The following MCMBP variants were observed in gnomAD, a reference collection of about 807,000 sequenced individuals.
The protein encoded by MCMBP is mini-chromosome maintenance complex-binding protein.
In MCMBP, 31 loss-of-function variants were observed where a neutral mutation model predicts 81.3. The observed-to-expected ratio is 0.38, with a 90% CI of 0.29 to 0.51. The LOEUF (loss-of-function observed/expected upper bound fraction) is 0.51. MCMBP is among the 20% of genes least tolerant of loss of function. The pLI, the probability that MCMBP is intolerant of heterozygous loss-of-function variation, is 0.87. For missense variants in MCMBP, 645 were observed against 772.1 expected (o/e 0.84, Z 1.95); for synonymous variants, 267 against 275.9 (o/e 0.97, Z 0.32).
In MCMBP at chr10:119,859,142, G is replaced by A; in HGVS notation, c.184C>T (p.Pro62Ser). The A allele has an allele frequency of 6.2e-7, 1 of 1,613,754 alleles. No individual in the cohort carries two copies. Among genetic ancestry groups the A allele is most frequent in the Non-Finnish European group, 8.5e-7 (1 of 1,179,870 alleles). ...CAACGAAATTTCACAAAACTATTAGGTTTCAAATAATGAAGGGGAACTTCG... is the reference window on the plus strand; with the variant it reads ...CAACGAAATTTCACAAAACTATTAGATTTCAAATAATGAAGGGGAACTTCG... ...LNEVPLHYLKPNSFVKFRCMI... is the reference protein window; with the variant it reads ...LNEVPLHYLKSNSFVKFRCMI... Residue 62 changes from proline to serine, a missense_variant, in exon 3 of 16, where the codon CCT becomes TCT. Coordinates refer to ENST00000369077, the MANE Select transcript of MCMBP (RefSeq NM_001256378.2).
At chr10:119,843,087 A>T in intron 9 of MCMBP, 167 bp downstream of exon 9, 2 of 733,814 alleles carry the variant, frequency 2.7e-6, no homozygotes, top group Non-Finnish European at 4.6e-6. Flanking sequence ...CAGTGAAGAG[A>T]ATTAATGTAA....
At chr10:119,868,432 A>T (rs968829169) in intron 1 of MCMBP, among the ~76,000 whole-genome samples, 2 of 152,230 alleles carry the variant, frequency 1.3e-5, no homozygotes, top group Non-Finnish European at 2.9e-5. Context: ...ACTCCAGAAA[A>T]AAAGAAAAGA....
chr10:119,861,233 A>C (rs1399153777), intron 1 of MCMBP, among the ~76,000 whole-genome samples: 2 of 152,244 alleles, frequency 1.3e-5, no homozygotes, highest in Non-Finnish European at 2.9e-5. Flanking sequence ...ACGTTTACTT[A>C]ACTGGACAAG....
At position 119,831,347 on chromosome 10, in the gene MCMBP, TG is replaced by T. The variant is rs1203729606; in HGVS notation, c.*126del. ...TATAAACATCAGGTGTTACCAGGCT[TG>T]ATTTCAGGAAATGTCACTGGTTTGT... On this transcript the variant is annotated 3_prime_UTR_variant, in exon 16 of 16. Coordinates refer to ENST00000369077, the MANE Select transcript of MCMBP (RefSeq NM_001256378.2). 1.7e-6 allele frequency: 2 copies of T among 1,165,940 alleles called. No individual in the cohort carries two copies. The highest frequency in any genetic ancestry group is 4.9e-5 in the East Asian group (2 of 40,892). The allele number at this position is 1,165,940 out of a possible 1,614,324, so 72.2% of individuals were successfully genotyped here.
Position 119,832,022 on chromosome 10 carries a change from C to A in MCMBP, c.1786G>T (p.Val596Leu). Reference sequence around the variant, plus strand: ...ACGTGCGCCACTTACCGAGCCACCACGAGCAGCTGGTGAAGATCATCAGCA... The same window carrying A: ...ACGTGCGCCACTTACCGAGCCACCAAGAGCAGCTGGTGAAGATCATCAGCA... ...ITADDLHQLL[V>L]VARCLSLSAG... The change falls in exon 15 of 16, where the codon GTG becomes TTG. Residue 596 changes from valine (V) to leucine (L), a missense_variant. By Grantham distance (32) the Val-to-Leu change is conservative. Transcript: ENST00000369077. 3 of 1,611,338 alleles carry A rather than the reference C, an allele frequency of 1.9e-6. No homozygotes were observed. Among genetic ancestry groups the A allele is most frequent in the Admixed American group, 1.7e-5 (1 of 59,196 alleles).
chr10:119,872,890 A>AGCTCGCGTGGGGAGGG (rs1318392872), upstream of MCMBP: 2 of 152,622 alleles, frequency 1.3e-5, no homozygotes, highest in African/African-American at 4.9e-5. Flanking sequence ...ACCTGGGTGG[A>AGCTCGCGTGGGGAGGG]GCTCGCGTGG....
chr10:119,859,877 A>C lies in MCMBP; in HGVS notation c.66T>G (p.Asn22Lys). The stretch of plus-strand genomic sequence containing the variant: ...TCTTCTCCCAGTCAGGATTAACTCC[A>C]TTTTGGGCTGAAAGAGAAATATACT... The part of the protein sequence containing the change: ...LGIVQGFFAQ[N>K]GVNPDWEKKV... Residue 22 changes from asparagine to lysine, a missense_variant, in exon 2 of 16, where the codon AAT (asparagine) becomes AAG (lysine). Asn to Lys is a moderately conservative substitution (Grantham distance 94). Coordinates refer to ENST00000369077, the MANE Select transcript of MCMBP (RefSeq NM_001256378.2). The C allele has an allele frequency of 6.2e-7, 1 of 1,610,326 alleles. No homozygotes were observed. Among genetic ancestry groups the C allele is most frequent in the South Asian group, 1.1e-5 (1 of 90,850 alleles).
At chr10:119,849,017 C>T (rs951639837) in intron 7 of MCMBP, among the ~76,000 whole-genome samples, 1 of 152,074 alleles carries the variant, frequency 6.6e-6, no homozygotes, top group Admixed American at 6.6e-5. Flanking sequence ...GGATTATCCT[C>T]GATTAACTGG....
intron 15 of MCMBP, 56 bp from the exon 16 acceptor site, chr10:119,831,656 A>T (rs1487000858): frequency 4.4e-6 from 7 of 1,585,620 alleles, no homozygotes; most frequent in Admixed American, 3.7e-5. Context: ...TAAGTTTTAA[A>T]TTTTTTTTAA....
upstream of MCMBP, chr10:119,873,425 C>G (rs1229874437): frequency 6.6e-6 from 1 of 152,078 alleles, no homozygotes; most frequent in Non-Finnish European, 1.5e-5. Flanking sequence ...AGGGACGGTT[C>G]CTTACCGAGG....
rs1372811001 is a variant in MCMBP at position 119,847,819 on chromosome 10, TA to T, written c.727-107del. On this transcript the variant is annotated intron_variant, in intron 7 of 15. Transcript: ENST00000369077. ...GAATTTTAGATCAGGAAACAGACCT[TA>T]AAGCAAGTCCTTTATTTTATAAATT... The T allele has an allele frequency of 9.0e-6, 5 of 556,762 alleles. No individual in the cohort carries two copies. In the South Asian group the frequency reaches 1.5e-4, roughly 16 times the overall value. The allele number at this position is 556,762 out of a possible 1,614,324, so 34.5% of individuals were successfully genotyped here. A position where few individuals can be genotyped will look rare whatever the true frequency, so the allele number is the denominator to read the frequency against.
At chr10:119,847,756 A>T (rs1399865444) in intron 7 of MCMBP, 43 bp from the exon 8 acceptor site, 1 of 1,193,076 alleles carries the variant, frequency 8.4e-7, no homozygotes, top group Admixed American at 1.8e-5. Context: ...GAACAGACAC[A>T]AAGCTTAAGA....
intron 10 of MCMBP, 123 bp from the exon 11 acceptor site, chr10:119,841,083 G>C: frequency 1.5e-6 from 1 of 678,610 alleles, no homozygotes; most frequent in Non-Finnish European, 2.6e-6. Context: ...ATTCTGACCA[G>C]TTATTTTATC....
chr10:119,837,154 C>A, intron 12 of MCMBP, 125 bp from the exon 13 acceptor site: 2 of 950,458 alleles, frequency 2.1e-6, no homozygotes, highest in East Asian at 2.6e-5. Flanking sequence ...AGGCGCTGTC[C>A]AGTTTACTAA....
Position 119,842,454 on chromosome 10 carries a change from C to G in MCMBP, c.1124+18G>C, listed in dbSNP as rs1852464969. On this transcript the variant is annotated intron_variant, in intron 10 of 15. Transcript: ENST00000369077. Reference sequence around the variant, plus strand: ...ACACACCAAACTCCCCTAATTCCCACCAGGATACAGCACTTACACTGTGGA... The same window carrying G: ...ACACACCAAACTCCCCTAATTCCCAGCAGGATACAGCACTTACACTGTGGA... 5.6e-6 allele frequency: 9 copies of G among 1,601,558 alleles called. No individual in the cohort carries two copies. The East Asian group carries it at 1.6e-4, about 28-fold the overall frequency.
At chr10:119,869,211 C>T (rs1853577767) in intron 1 of MCMBP, among the ~76,000 whole-genome samples, 2 of 152,136 alleles carry the variant, frequency 1.3e-5, no homozygotes, top group Non-Finnish European at 2.9e-5. Context: ...TTTGAGAGGC[C>T]GAGGCAGGCA....
In MCMBP at chr10:119,830,823, T is replaced by G. The variant is rs758655205; in HGVS notation, c.*651A>C. 6 of 152,644 alleles carry G rather than the reference T, an allele frequency of 3.9e-5. No homozygotes were observed. Among genetic ancestry groups the G allele is most frequent in the Non-Finnish European group, 8.8e-5 (6 of 68,044 alleles). The allele number at this position is 152,644 out of a possible 1,614,324, so 9.5% of individuals were successfully genotyped here. Reference sequence around the variant, plus strand: ...ATTGGCAACCTTATAGTACCCCAGATTTTTGGAAATATTACTACCGGTCCA... The same window carrying G: ...ATTGGCAACCTTATAGTACCCCAGAGTTTTGGAAATATTACTACCGGTCCA... On this transcript the variant is annotated 3_prime_UTR_variant, in exon 16 of 16. Transcript: ENST00000369077.
At chr10:119,842,616 T>C (rs1176878563) in intron 9 of MCMBP, 21 bp from the exon 10 acceptor site, 1 of 1,608,890 alleles carries the variant, frequency 6.2e-7, no homozygotes, top group Non-Finnish European at 8.5e-7. Context: ...AAGGAAGACC[T>C]GAGTCAGGAC....
chr10:119,863,606 G>C (rs1338797272), intron 1 of MCMBP, among the ~76,000 whole-genome samples: 1 of 151,782 alleles, frequency 6.6e-6, no homozygotes, highest in Non-Finnish European at 1.5e-5. Flanking sequence ...GCACACGCCT[G>C]TAATCCCAGC....
Sources: allele counts gnomAD v4.1 joint callset (sites outside exome capture counted in the v4.1 genomes callset), GRCh38; gene constraint gnomAD v4.1.1; transcripts MANE v1.5; gene names NCBI Gene and HGNC (gene_info 2026-07-23, HGNC 2026-07-21).